Variants in SFXN1 observed in about 807,000 individuals in gnomAD.
SFXN1 encodes the protein sideroflexin 1, also known as sideroflexin-1.
A neutral mutation model predicts 39.5 loss-of-function variants in SFXN1; 32 were observed. That is an observed-to-expected ratio of 0.81 (90% CI 0.61 to 1.09). The LOEUF (loss-of-function observed/expected upper bound fraction) is 1.09. Among genes scored for constraint, SFXN1 ranks in the 50% least tolerant of loss-of-function variants. The pLI is 0.00. For synonymous variants in SFXN1, 136 were observed against 146.5 expected, an observed-to-expected ratio of 0.93 and a Z score of 0.52; for missense variants, 402 against 407.1, an observed-to-expected ratio of 0.99 and a Z score of 0.11.
chr5:175,489,916 G>C (rs1294436060), intron 1 of SFXN1, among the ~76,000 whole-genome samples: 1 of 152,138 alleles, frequency 6.6e-6, no homozygotes, highest in East Asian at 1.9e-4. Context: ...TCGGGCCCAG[G>C]TGGACTGTGA....
chr5:175,505,447 G>A (rs1169426482), intron 2 of SFXN1, among the ~76,000 whole-genome samples: 1 of 151,504 alleles, frequency 6.6e-6, no homozygotes, highest in African/African-American at 2.4e-5. Context: ...CGGGGCAGGA[G>A]CATTGCTTGA....
intron 7 of SFXN1, among the ~76,000 whole-genome samples, chr5:175,514,514 G>A (rs896053350): frequency 6.6e-6 from 1 of 152,120 alleles, no homozygotes; most frequent in Admixed American, 6.6e-5. Context: ...ACAGAAATTA[G>A]TATGTTTAAT....
chr5:175,521,682 G>C (rs1233598585), intron 8 of SFXN1, among the ~76,000 whole-genome samples: 1 of 152,126 alleles, frequency 6.6e-6, no homozygotes, highest in Non-Finnish European at 1.5e-5. Flanking sequence ...GATTAAATGG[G>C]GGACTGGGAG....
intron 3 of SFXN1, 99 bp downstream of exon 3, chr5:175,509,301 T>C (rs1760429148): frequency 8.2e-7 from 1 of 1,220,120 alleles, no homozygotes; most frequent in Non-Finnish European, 1.1e-6. Flanking sequence ...TATTATTTCA[T>C]AAGTATATGA....
At chr5:175,495,038 A>C (rs1172740832) in intron 2 of SFXN1, among the ~76,000 whole-genome samples, 1 of 152,214 alleles carries the variant, frequency 6.6e-6, no homozygotes, top group African/African-American at 2.4e-5. Flanking sequence ...GAAGCAACCC[A>C]GGTGTCCGTC....
chr5:175,497,545 T>A (rs190740155), intron 2 of SFXN1, among the ~76,000 whole-genome samples: 116 of 152,334 alleles, frequency 7.6e-4, no homozygotes, highest in Non-Finnish European at 1.5e-3. Context: ...ATATAGTGAA[T>A]GCCGAACAGA....
At chr5:175,509,975 T>C in intron 3 of SFXN1, 134 bp from the exon 4 acceptor site, 1 of 674,106 alleles carries the variant, frequency 1.5e-6, no homozygotes, top group East Asian at 2.7e-5. Context: ...ACACAGATCC[T>C]AAGCCTGTGT....
At chr5:175,486,505 G>C (rs962102710) in intron 1 of SFXN1, among the ~76,000 whole-genome samples, 1 of 152,172 alleles carries the variant, frequency 6.6e-6, no homozygotes, top group African/African-American at 2.4e-5. Context: ...AATCACACCT[G>C]TAATCCCAGC....
At chr5:175,515,862 C>G (rs563922303) in intron 7 of SFXN1, among the ~76,000 whole-genome samples, 2 of 152,252 alleles carry the variant, frequency 1.3e-5, no homozygotes, top group East Asian at 3.9e-4. Flanking sequence ...AAGTCACCAT[C>G]ATGTTGAATC....
chr5:175,524,091 G>A (rs1370593435), intron 10 of SFXN1: 10 of 118,950 alleles, frequency 8.4e-5, no homozygotes, highest in Non-Finnish European at 1.3e-4. Context: ...GCAACAGTGC[G>A]AGATTCTGTC....
chr5:175,495,228 T>C (rs983361465), intron 2 of SFXN1, among the ~76,000 whole-genome samples: 2 of 152,184 alleles, frequency 1.3e-5, no homozygotes, highest in African/African-American at 4.8e-5. Flanking sequence ...TGTGATTTCA[T>C]TTATATGAGG....
At chr5:175,517,401 T>G (rs549572822) in intron 8 of SFXN1, among the ~76,000 whole-genome samples, 1 of 151,860 alleles carries the variant, frequency 6.6e-6, no homozygotes, top group Non-Finnish European at 1.5e-5. Flanking sequence ...ACGCCCCACA[T>G]GGAAGGGCCC....
intron 1 of SFXN1, chr5:175,483,697 C>A (rs267372): frequency 0.35 from 53,830 of 151,906 alleles, 10,927 homozygotes; most frequent in Non-Finnish European, 0.47. Context: ...CAGCTAATAA[C>A]TGCTCAGTAA....
chr5:175,507,280 G>A (rs920529292), intron 2 of SFXN1, among the ~76,000 whole-genome samples: 3 of 152,048 alleles, frequency 2.0e-5, no homozygotes. Context: ...TGAACTAATT[G>A]CATCTGCAAA....
chr5:175,491,687 G>C (rs137875480), intron 1 of SFXN1: 2 of 153,788 alleles, frequency 1.3e-5, no homozygotes, highest in Non-Finnish European at 2.9e-5. Flanking sequence ...GGGTCTTGCC[G>C]TGTTGTCCAG....
Position 175,528,120 on chromosome 5 carries a change from A to T in SFXN1, c.*1386A>T, listed in dbSNP as rs925982136. On this transcript the variant is annotated 3_prime_UTR_variant, in exon 11 of 11. Transcript: ENST00000321442. ...GTATTTTTAGTAGAGACGGGGTTTC[A>T]CTGTGGTCTCGATCTCCTGACCTCG... 3.3e-5 allele frequency: 5 copies of T among 151,970 alleles called. No individual in the cohort carries two copies. The highest frequency in any genetic ancestry group is 7.4e-5 in the Non-Finnish European group (5 of 67,974). The allele number at this position is 151,970 out of a possible 1,614,324, so 9.4% of individuals were successfully genotyped here.
At chr5:175,499,004 C>G (rs941224764) in intron 2 of SFXN1, among the ~76,000 whole-genome samples, 2 of 152,196 alleles carry the variant, frequency 1.3e-5, no homozygotes, top group Admixed American at 1.3e-4. Context: ...CCTGTAATCC[C>G]AGCACTTTGG....
chr5:175,511,388 A>T, intron 4 of SFXN1, 63 bp from the exon 5 acceptor site: 1 of 1,188,536 alleles, frequency 8.4e-7, no homozygotes, highest in Non-Finnish European at 1.2e-6. Flanking sequence ...TCTTCAAATA[A>T]TGTTGCACCA....
At chr5:175,524,104 A>G (rs1389250725) in intron 10 of SFXN1, 1 of 48,010 alleles carries the variant, frequency 2.1e-5, no homozygotes, top group African/African-American at 1.0e-4. Flanking sequence ...ATTCTGTCTC[A>G]AAAAAAAAAA....
Sources: gnomAD v4.1 joint callset for allele counts (sites outside exome capture counted in the v4.1 genomes callset) on GRCh38, gnomAD v4.1.1 for gene constraint, MANE v1.5 for transcripts, NCBI Gene and HGNC (gene_info 2026-07-23, HGNC 2026-07-21) for gene names.